Variants in XKR4 observed in about 807,000 individuals in gnomAD.
XKR4 encodes the protein XK related 4.
In XKR4, 12 loss-of-function variants were observed where a neutral mutation model predicts 53.9. That is an observed-to-expected ratio of 0.22 (90% CI 0.14 to 0.36). The LOEUF (loss-of-function observed/expected upper bound fraction) is 0.36. Among genes scored for constraint, XKR4 ranks in the 10% least tolerant of loss-of-function variants. The pLI is 1.00. For missense variants in XKR4, 799 were observed against 859.5 expected (o/e 0.93, Z 0.88); for synonymous variants, 354 against 362.4 (o/e 0.98, Z 0.26).
At chr8:55,416,434 C>A (rs1804846703) in intron 2 of XKR4, among the ~76,000 whole-genome samples, 1 of 152,166 alleles carries the variant, frequency 6.6e-6, no homozygotes, top group African/African-American at 2.4e-5. Flanking sequence ...CTGTGTGAAC[C>A]ATAGCTTCAC....
chr8:55,382,290 T>C (rs902482852), intron 2 of XKR4, among the ~76,000 whole-genome samples: 8 of 152,206 alleles, frequency 5.3e-5, no homozygotes, highest in Non-Finnish European at 8.8e-5. Context: ...ACTTTGAACA[T>C]GACACTATTA....
At chr8:55,338,075 G>T (rs1216635771) in intron 1 of XKR4, among the ~76,000 whole-genome samples, 4 of 152,008 alleles carry the variant, frequency 2.6e-5, no homozygotes, top group Non-Finnish European at 5.9e-5. Flanking sequence ...TGAACAATAA[G>T]AAAAAAATGT....
intron 1 of XKR4, among the ~76,000 whole-genome samples, chr8:55,128,603 A>G (rs1294321836): frequency 6.6e-6 from 1 of 152,208 alleles, no homozygotes; most frequent in African/African-American, 2.4e-5. Flanking sequence ...TGACAAAGTA[A>G]GTGAAAAAGT....
At chr8:55,154,005 TAC>T (rs1816873552) in intron 1 of XKR4, among the ~76,000 whole-genome samples, 1 of 152,224 alleles carries the variant, frequency 6.6e-6, no homozygotes, top group Admixed American at 6.5e-5. Flanking sequence ...TTGATCTTCC[TAC>T]ACAGTTTCTA....
chr8:55,467,972 A>T (rs1425889089), intron 2 of XKR4, among the ~76,000 whole-genome samples: 1 of 152,172 alleles, frequency 6.6e-6, no homozygotes, highest in Non-Finnish European at 1.5e-5. Context: ...AAAAATTTTT[A>T]ACTTTCATAA....
chr8:55,375,527 A>G (rs1804133182), intron 2 of XKR4, among the ~76,000 whole-genome samples: 1 of 152,136 alleles, frequency 6.6e-6, no homozygotes, highest in African/African-American at 2.4e-5. Flanking sequence ...GCCAGAGCTG[A>G]CTGCACCTGC....
In XKR4 at chr8:55,514,340, T is replaced by G. The variant is rs567638452; in HGVS notation, c.1007-8941T>G. 2.3e-3 allele frequency among the ~76,000 whole-genome samples: 326 copies of G among 143,398 alleles called. 4 individuals are homozygous for G. Among genetic ancestry groups the G allele is most frequent in the African/African-American group, 7.7e-3 (299 of 38,624 alleles). The allele number at this position is 143,398 out of a possible 152,430, so 94.1% of individuals were successfully genotyped here. A position where few individuals can be genotyped will look rare whatever the true frequency, so the allele number is the denominator to read the frequency against. ...GGCATGATCTTGGCTCACTGCAACC[T>G]CCGCCTCCTAGGTTCAAGTGATGCT... is the stretch of plus-strand genomic sequence containing the variant. On this transcript the variant is annotated intron_variant, in intron 2 of 2. Coordinates refer to ENST00000327381, the MANE Select transcript of XKR4 (RefSeq NM_052898.2).
At chr8:55,502,439 A>T (rs1484889920) in intron 2 of XKR4, among the ~76,000 whole-genome samples, 1 of 151,882 alleles carries the variant, frequency 6.6e-6, no homozygotes, top group African/African-American at 2.4e-5. Flanking sequence ...ATATGAAATT[A>T]TATCTCATTG....
At chr8:55,216,863 C>CAT (rs1361012586) in intron 1 of XKR4, among the ~76,000 whole-genome samples, 9 of 149,496 alleles carry the variant, frequency 6.0e-5, no homozygotes, top group Admixed American at 6.0e-4. Context: ...AGATATTTGC[C>CAT]ATATATATAA....
In XKR4 at chr8:55,523,730, G is replaced by A. The variant is rs1258955724; in HGVS notation, c.1456G>A (p.Ala486Thr). Residue 486 changes from alanine to threonine, a missense_variant, in exon 3 of 3, where the codon GCA (alanine) becomes ACA (threonine). Around this residue, in one of 3 missense-constraint regions of XKR4, gnomAD observed 269 missense variants for 264.4 expected, o/e 1.02. Transcript: ENST00000327381. ...CTACAAGGCTCCCCAGATTGCAGACGCATTTGCCATTCCAGCGCTGTGTGT... is the reference window on the plus strand; with the variant it reads ...CTACAAGGCTCCCCAGATTGCAGACACATTTGCCATTCCAGCGCTGTGTGT... The part of the protein sequence containing the change: ...YLYKAPQIAD[A>T]FAIPALCVVF... 1.2e-6 allele frequency: 2 copies of A among 1,614,128 alleles called. No individual in the cohort carries two copies. Among genetic ancestry groups the A allele is most frequent in the Non-Finnish European group, 8.5e-7 (1 of 1,180,040 alleles).
At chr8:55,325,199 G>A (rs771474081) in intron 1 of XKR4, among the ~76,000 whole-genome samples, 2 of 152,110 alleles carry the variant, frequency 1.3e-5, no homozygotes, top group Non-Finnish European at 2.9e-5. Context: ...ACAAAGAATA[G>A]ACCATTTGGA....
chr8:55,102,745 C>T lies in XKR4; in HGVS notation c.257C>T (p.Pro86Leu), dbSNP rs749099492. The change falls in exon 1 of 3, where the codon CCG (proline) becomes CTG (leucine). Residue 86 changes from proline (P) to leucine (L), a missense_variant. Transcript: ENST00000327381. This position sits in a 1 kb window ranked among gnomAD's most constrained non-coding sequence, Gnocchi z 5.1. The part of the protein sequence containing the change: ...GSGGSGGVAG[P>L]GGGGAGSAAL... ...GGCGGCTCCGGCGGCGTCGCCGGCC[C>T]GGGCGGCGGCGGGGCGGGCTCGGCT... is the stretch of plus-strand genomic sequence containing the variant. The T allele has an allele frequency of 3.3e-6, 4 of 1,223,702 alleles. No homozygotes were observed. The highest frequency in any genetic ancestry group is 6.1e-4 in the Middle Eastern group (2 of 3,270). The allele number at this position is 1,223,702 out of a possible 1,614,324, so 75.8% of individuals were successfully genotyped here.
In XKR4 at chr8:55,541,020, A is replaced by G. The variant is rs1286298165; in HGVS notation, c.*16793A>G. On this transcript the variant is annotated 3_prime_UTR_variant, in exon 3 of 3. Transcript: ENST00000327381. The stretch of plus-strand genomic sequence containing the variant: ...GCTTAGCATGAAACCATTGCACAAT[A>G]TAAACCTGCTCCCAAATGGCAAGGA... 1 of 152,230 alleles carries G rather than the reference A, an allele frequency of 6.6e-6. No individual in the cohort carries two copies. Among genetic ancestry groups the G allele is most frequent in the African/African-American group, 2.4e-5 (1 of 41,464 alleles). 9.4% of individuals were successfully genotyped at this position (152,230 alleles called of 1,614,324 possible). A position where few individuals can be genotyped will look rare whatever the true frequency, so the allele number is the denominator to read the frequency against.
At chr8:55,447,246 C>A (rs1805360703) in intron 2 of XKR4, among the ~76,000 whole-genome samples, 1 of 152,104 alleles carries the variant, frequency 6.6e-6, no homozygotes, top group African/African-American at 2.4e-5. Context: ...ATATTAGAAA[C>A]CATTCTATGT....
intron 2 of XKR4, among the ~76,000 whole-genome samples, chr8:55,472,787 A>G (rs1217289421): frequency 6.6e-6 from 1 of 152,118 alleles, no homozygotes; most frequent in Non-Finnish European, 1.5e-5. Flanking sequence ...AGAAGATTGG[A>G]GTATTCTGAA....
intron 1 of XKR4, among the ~76,000 whole-genome samples, chr8:55,167,104 C>T (rs1229339896): frequency 6.6e-6 from 1 of 152,106 alleles, no homozygotes; most frequent in Non-Finnish European, 1.5e-5. Flanking sequence ...TCTTACTGGA[C>T]TGGATGTGGG....
chr8:55,383,584 T>C (rs1179081990), intron 2 of XKR4, among the ~76,000 whole-genome samples: 1 of 152,224 alleles, frequency 6.6e-6, no homozygotes, highest in African/African-American at 2.4e-5. Context: ...ATTTGAAATT[T>C]GCTAAAATGA....
chr8:55,511,875 T>G (rs1022658974), intron 2 of XKR4, among the ~76,000 whole-genome samples: 1 of 152,206 alleles, frequency 6.6e-6, no homozygotes, highest in African/African-American at 2.4e-5. Flanking sequence ...TTCTCTGTCA[T>G]GCTATTCTAT....
intron 2 of XKR4, among the ~76,000 whole-genome samples, chr8:55,485,938 T>C (rs1036657265): frequency 9.9e-5 from 15 of 152,208 alleles, no homozygotes; most frequent in Non-Finnish European, 2.2e-4. Flanking sequence ...GTAATTTTAA[T>C]TTTGTTCTTA....
Sources: allele counts gnomAD v4.1 joint callset (sites outside exome capture counted in the v4.1 genomes callset), GRCh38; gene constraint gnomAD v4.1.1; regional missense constraint gnomAD v4.1.1; non-coding constraint Gnocchi (gnomAD v3.1); transcripts MANE v1.5; gene names NCBI Gene and HGNC (gene_info 2026-07-23, HGNC 2026-07-21).